RELCH: variants seen among roughly 807,000 people sequenced by gnomAD.
The protein encoded by RELCH is RAB11 binding and LisH domain, coiled-coil and HEAT repeat containing, also known as RAB11-binding protein RELCH.
RELCH carries 41 observed loss-of-function variants against 150.3 expected under a neutral mutation model. The ratio of observed to expected loss-of-function variants is 0.27; its 90% confidence interval spans 0.21 to 0.35. RELCH has a LOEUF of 0.35. Ranked by LOEUF, RELCH falls within the 10% of genes least tolerant of loss-of-function variation. The pLI is 1.00. For synonymous variants in RELCH, 478 were observed against 531.8 expected (o/e 0.90, Z 1.39); for missense variants, 1,092 against 1,467.8 (o/e 0.74, Z 4.18).
At chr18:62,231,583 A>G (rs559377952) in intron 9 of RELCH, among the ~76,000 whole-genome samples, 23 of 152,112 alleles carry the variant, frequency 1.5e-4, no homozygotes, top group Admixed American at 4.6e-4. Context: ...TACACTGTTT[A>G]TATATTAATT....
At chr18:62,264,579 T>C (rs1488590026) in intron 17 of RELCH, 150 bp from the exon 18 acceptor site, 2 of 619,270 alleles carry the variant, frequency 3.2e-6, no homozygotes, top group Non-Finnish European at 5.6e-6. Context: ...TAATGTAATC[T>C]TACAACCTAT....
At chr18:62,201,470 A>AT (rs893159951) in intron 1 of RELCH, among the ~76,000 whole-genome samples, 10 of 151,840 alleles carry the variant, frequency 6.6e-5, no homozygotes, top group East Asian at 1.9e-4. Flanking sequence ...GAATTGCTTG[A>AT]TTTTTTTTCC....
chr18:62,269,291 T>C (rs1276128875), intron 20 of RELCH: 3 of 332,154 alleles, frequency 9.0e-6, no homozygotes, highest in African/African-American at 4.4e-5. Context: ...CAAAGCACTG[T>C]AGAACACTAT....
intron 24 of RELCH, among the ~76,000 whole-genome samples, chr18:62,281,420 T>C (rs1423838169): frequency 1.3e-5 from 2 of 152,226 alleles, no homozygotes; most frequent in African/African-American, 4.8e-5. Context: ...ACTGGTATCC[T>C]CTTGTTGCAG....
intron 1 of RELCH, among the ~76,000 whole-genome samples, chr18:62,203,837 C>T (rs1322776521): frequency 6.6e-6 from 1 of 151,990 alleles, no homozygotes; most frequent in Non-Finnish European, 1.5e-5. Flanking sequence ...AAAAGTTAGT[C>T]AGCAATGGTG....
At position 62,211,967 on chromosome 18, in the gene RELCH, G is replaced by A. The variant is rs566030690; in HGVS notation, c.616+725G>A. Reference sequence around the variant, plus strand: ...TGATTGGTCCAGTAAGGGCCTCCAGGACACTGCCCATCCCAATAAGAAGGA... The same window carrying A: ...TGATTGGTCCAGTAAGGGCCTCCAGAACACTGCCCATCCCAATAAGAAGGA... On this transcript the variant is annotated intron_variant, in intron 2 of 28. Transcript: ENST00000644646. Among the ~76,000 whole-genome samples the A allele has an allele frequency of 5.3e-5, 8 of 152,252 alleles. No individual in the cohort carries two copies. In the South Asian group the frequency reaches 1.7e-3, roughly 32 times the overall value.
chr18:62,233,988 T>G (rs2148446157), intron 10 of RELCH, among the ~76,000 whole-genome samples: 1 of 151,986 alleles, frequency 6.6e-6, no homozygotes, highest in African/African-American at 2.4e-5. Flanking sequence ...GATTTTAAAT[T>G]TTTTATAATT....
intron 1 of RELCH, among the ~76,000 whole-genome samples, chr18:62,195,868 T>C (rs1436790846): frequency 2.0e-5 from 3 of 151,940 alleles, no homozygotes; most frequent in African/African-American, 7.3e-5. Flanking sequence ...GCCAATTTTT[T>C]TATTTTTGGT....
intron 5 of RELCH, among the ~76,000 whole-genome samples, chr18:62,225,146 T>G (rs1238386955): frequency 6.6e-6 from 1 of 151,900 alleles, no homozygotes; most frequent in African/African-American, 2.4e-5. Context: ...ATGGAACCAT[T>G]TGCCTAAACA....
At chr18:62,275,553 TAAA>T in intron 22 of RELCH, 80 bp downstream of exon 22, 1 of 843,004 alleles carries the variant, frequency 1.2e-6, no homozygotes, top group Non-Finnish European at 2.0e-6. Flanking sequence ...TTTTTTTTAA[TAAA>T]AAGGCTTTGC....
chr18:62,304,736 G>C (rs1441286090), intron 28 of RELCH, among the ~76,000 whole-genome samples: 6 of 152,124 alleles, frequency 3.9e-5, no homozygotes, highest in Admixed American at 3.9e-4. Flanking sequence ...TGATAAATTA[G>C]CAATCTTTAG....
At chr18:62,243,666 T>G (rs893878330) in intron 10 of RELCH, among the ~76,000 whole-genome samples, 1 of 152,132 alleles carries the variant, frequency 6.6e-6, no homozygotes, top group Non-Finnish European at 1.5e-5. Flanking sequence ...AATCATCTCT[T>G]AGGAAGCATC....
At chr18:62,193,396 C>G (rs1177581033) in intron 1 of RELCH, among the ~76,000 whole-genome samples, 1 of 152,120 alleles carries the variant, frequency 6.6e-6, no homozygotes, top group East Asian at 1.9e-4. Flanking sequence ...ACTTCCAATA[C>G]CATGTTGAAT....
intron 10 of RELCH, among the ~76,000 whole-genome samples, chr18:62,244,545 A>C (rs549598445): frequency 6.6e-6 from 1 of 152,290 alleles, no homozygotes; most frequent in South Asian, 2.1e-4. Context: ...ATCTTAAGCA[A>C]CTTTTGTTAC....
intron 25 of RELCH, among the ~76,000 whole-genome samples, chr18:62,282,774 C>T (rs144444540): frequency 0.01 from 1,542 of 152,302 alleles, 18 homozygotes; most frequent in African/African-American, 0.035. Context: ...TCTCCTGCCT[C>T]AGCCTCCCAA....
Position 62,256,205 on chromosome 18 carries a change from CACTT to C in RELCH, c.1896+730_1896+733del, listed in dbSNP as rs376962130. Among the ~76,000 whole-genome samples, 318 of 151,960 alleles carry C rather than the reference CACTT, an allele frequency of 2.1e-3. 4 individuals are homozygous for C. Among genetic ancestry groups the C allele is most frequent in the African/African-American group, 7.4e-3 (308 of 41,436 alleles). The stretch of plus-strand genomic sequence containing the variant: ...GGACACCAATTTTACTTCACAGAAA[CACTT>C]ACAGTCAAACTGGTTTTTCAGACTT... On this transcript the variant is annotated intron_variant, in intron 13 of 28. Transcript: ENST00000644646.
chr18:62,244,675 TAA>T (rs2042314157), intron 10 of RELCH, 87 bp from the exon 11 acceptor site: 1 of 848,380 alleles, frequency 1.2e-6, no homozygotes, highest in Non-Finnish European at 1.9e-6. Context: ...TATTTCACTT[TAA>T]ATGTCCATTT....
chr18:62,288,526 G>A (rs1016833330), intron 26 of RELCH, among the ~76,000 whole-genome samples: 1 of 152,094 alleles, frequency 6.6e-6, no homozygotes, highest in Non-Finnish European at 1.5e-5. Flanking sequence ...CTGTGAAGTA[G>A]CTATGTGTCT....
chr18:62,233,009 A>G (rs1389430328), intron 10 of RELCH, among the ~76,000 whole-genome samples: 1 of 151,924 alleles, frequency 6.6e-6, no homozygotes, highest in Non-Finnish European at 1.5e-5. Context: ...TTAACCGGTT[A>G]TTGACAGATG....
Sources: allele counts gnomAD v4.1 joint callset (sites outside exome capture counted in the v4.1 genomes callset), GRCh38; gene constraint gnomAD v4.1.1; transcripts MANE v1.5; gene names NCBI Gene and HGNC (gene_info 2026-07-23, HGNC 2026-07-21).